ADAMTSL3: variants seen among roughly 807,000 people sequenced by gnomAD.
ADAMTSL3 encodes the protein ADAMTS-like protein 3.
ADAMTSL3 carries 128 observed loss-of-function variants against 201.7 expected under a neutral mutation model. The observed-to-expected ratio is 0.63, with a 90% CI of 0.55 to 0.73. The LOEUF (loss-of-function observed/expected upper bound fraction) is 0.73, where lower values mean the gene tolerates loss of function less well. Ranked by LOEUF, ADAMTSL3 falls within the 30% of genes least tolerant of loss-of-function variation. ADAMTSL3 has a pLI of 0.00. For missense variants in ADAMTSL3, 1,990 were observed against 2,119.6 expected (o/e 0.94, Z 1.20); for synonymous variants, 738 against 748.4 (o/e 0.99, Z 0.23).
intron 17 of ADAMTSL3, among the ~76,000 whole-genome samples, chr15:83,925,373 T>C (rs534735969): frequency 6.6e-6 from 1 of 152,308 alleles, no homozygotes; most frequent in South Asian, 2.1e-4. Context: ...TGTTGGCTTA[T>C]GTTAGAGCCA....
intron 3 of ADAMTSL3, among the ~76,000 whole-genome samples, chr15:83,740,588 G>A (rs1049175673): frequency 6.6e-5 from 10 of 152,042 alleles, no homozygotes; most frequent in African/African-American, 2.4e-4. Flanking sequence ...AAGTATAAAA[G>A]ACAGCAAAAT....
At chr15:83,732,308 C>G (rs1230397409) in intron 3 of ADAMTSL3, among the ~76,000 whole-genome samples, 1 of 151,872 alleles carries the variant, frequency 6.6e-6, no homozygotes, top group Non-Finnish European at 1.5e-5. Flanking sequence ...AAAAGTTAAG[C>G]TAAAAATAAT....
chr15:83,732,915 A>G (rs952121782), intron 3 of ADAMTSL3, among the ~76,000 whole-genome samples: 3 of 152,132 alleles, frequency 2.0e-5, no homozygotes, highest in African/African-American at 7.2e-5. Context: ...GGTAATGGAT[A>G]TTGTCATAAA....
At chr15:83,991,282 A>C in intron 23 of ADAMTSL3, 68 bp downstream of exon 23, 9 of 1,601,138 alleles carry the variant, frequency 5.6e-6, no homozygotes, top group Non-Finnish European at 7.7e-6. Context: ...CAGTGTTGCC[A>C]GGAAACACCA....
At chr15:83,924,797 C>A (rs886506843) in intron 17 of ADAMTSL3, among the ~76,000 whole-genome samples, 1 of 152,116 alleles carries the variant, frequency 6.6e-6, no homozygotes, top group African/African-American at 2.4e-5. Flanking sequence ...TCTCCTTTAC[C>A]CTTATTATCT....
At chr15:83,708,314 A>T (rs549028639) in intron 3 of ADAMTSL3, among the ~76,000 whole-genome samples, 2 of 152,182 alleles carry the variant, frequency 1.3e-5, no homozygotes, top group South Asian at 4.2e-4. Context: ...TCTTGGATGA[A>T]CCTCACAGGA....
chr15:83,669,358 C>T (rs1357206574), intron 2 of ADAMTSL3, among the ~76,000 whole-genome samples: 1 of 145,396 alleles, frequency 6.9e-6, no homozygotes, highest in Non-Finnish European at 1.5e-5. Context: ...ATTGGCCAGG[C>T]TGGTCTGGAA....
At chr15:83,953,260 G>A (rs2066790249) in intron 19 of ADAMTSL3, among the ~76,000 whole-genome samples, 1 of 151,718 alleles carries the variant, frequency 6.6e-6, no homozygotes, top group African/African-American at 2.4e-5. Flanking sequence ...TTTTCTGGTG[G>A]TATGACTTAA....
chr15:83,974,357 C>T (rs776862188), intron 20 of ADAMTSL3, among the ~76,000 whole-genome samples: 19 of 152,198 alleles, frequency 1.2e-4, no homozygotes, highest in African/African-American at 4.3e-4. Context: ...ACCTACCTCA[C>T]GGGACCATTC....
rs771106394 is a variant in ADAMTSL3 at position 84,014,601 on chromosome 15, T to G, written c.4033T>G (p.Ser1345Ala). The G allele has an allele frequency of 3.1e-6, 5 of 1,614,170 alleles. No individual in the cohort carries two copies. In the South Asian group the frequency reaches 5.5e-5, roughly 18 times the overall value. Residue 1345 changes from serine to alanine, a missense_variant, in exon 24 of 30, where the codon TCC becomes GCC. Coordinates refer to ENST00000286744, the MANE Select transcript of ADAMTSL3 (RefSeq NM_207517.3). ...KRGGSLSGNV[S>A]LLFNGSLLLQ... is the part of the protein sequence containing the mutation. ...AGGAGGATCTCTGAGTGGCAATGTT[T>G]CCTTGCTTTTCAATGGATCCCTGTT...
intron 27 of ADAMTSL3, among the ~76,000 whole-genome samples, chr15:84,028,359 C>T (rs910518994): frequency 1.3e-5 from 2 of 152,098 alleles, no homozygotes; most frequent in Non-Finnish European, 1.5e-5. Context: ...AAAATAAATT[C>T]TAACTTGATT....
chr15:83,822,446 T>G (rs1428714048), intron 6 of ADAMTSL3, among the ~76,000 whole-genome samples: 1 of 96,776 alleles, frequency 1.0e-5, no homozygotes. Context: ...GACGGGGCGG[T>G]TGCCAGGCGG....
At chr15:83,707,377 T>C (rs1256084371) in intron 3 of ADAMTSL3, among the ~76,000 whole-genome samples, 1 of 152,248 alleles carries the variant, frequency 6.6e-6, no homozygotes, top group East Asian at 1.9e-4. Flanking sequence ...GATATGCTTA[T>C]GCTAAAAGAA....
Position 83,942,760 on chromosome 15 carries a change from C to T in ADAMTSL3, c.2282C>T (p.Pro761Leu). 6.2e-7 allele frequency: 1 copy of T among 1,613,754 alleles called. No homozygotes were observed. The highest frequency in any genetic ancestry group is 8.5e-7 in the Non-Finnish European group (1 of 1,179,892). Residue 761 changes from proline (P) to leucine (L), a missense_variant, in exon 18 of 30, where the codon CCT becomes CTT. By Grantham distance (98) the Pro-to-Leu change is moderately conservative (BLOSUM62 -3). Coordinates refer to ENST00000286744, the MANE Select transcript of ADAMTSL3 (RefSeq NM_207517.3). ...LQACNQFDCP[P>L]GWHIEEWQQC... is the part of the protein sequence containing the mutation. ...GCATGCAATCAGTTTGACTGCCCTC[C>T]TGGCTGGCACATTGAAGAATGGCAG...
At chr15:83,655,951 C>T in intron 2 of ADAMTSL3, 121 bp downstream of exon 2, 1 of 1,041,926 alleles carries the variant, frequency 9.6e-7, no homozygotes, top group Admixed American at 2.2e-5. Flanking sequence ...GAGAACCAGA[C>T]TTTCTTTCCT....
chr15:83,777,225 G>T (rs557219275), intron 4 of ADAMTSL3, among the ~76,000 whole-genome samples: 2 of 152,322 alleles, frequency 1.3e-5, no homozygotes, highest in East Asian at 3.9e-4. Context: ...TGTGGTGAAT[G>T]CCTACAGAGA....
intron 2 of ADAMTSL3, among the ~76,000 whole-genome samples, chr15:83,698,107 C>T (rs2061712229): frequency 6.6e-6 from 1 of 152,110 alleles, no homozygotes; most frequent in Non-Finnish European, 1.5e-5. Flanking sequence ...CTCCTATGGC[C>T]CCTATTGCTC....
intron 2 of ADAMTSL3, among the ~76,000 whole-genome samples, chr15:83,684,725 A>G (rs2061514770): frequency 6.6e-6 from 1 of 151,596 alleles, no homozygotes; most frequent in Admixed American, 6.6e-5. Flanking sequence ...ACTGTTGTGT[A>G]GTATCTCACT....
intron 3 of ADAMTSL3, among the ~76,000 whole-genome samples, chr15:83,724,734 C>CT (rs1000536427): frequency 6.6e-6 from 1 of 152,094 alleles, no homozygotes; most frequent in African/African-American, 2.4e-5. Flanking sequence ...CACCATTCTA[C>CT]TGTGTATCCC....
Sources: gnomAD v4.1 joint callset for allele counts (sites outside exome capture counted in the v4.1 genomes callset) on GRCh38, gnomAD v4.1.1 for gene constraint, MANE v1.5 for transcripts, NCBI Gene and HGNC (gene_info 2026-07-23, HGNC 2026-07-21) for gene names.